HRH2: variants seen among roughly 807,000 people sequenced by gnomAD.
HRH2 encodes the protein histamine H2 receptor.
In HRH2, 4 loss-of-function variants were observed where a neutral mutation model predicts 20.1. The observed-to-expected ratio is 0.20, with a 90% CI of 0.10 to 0.45. The LOEUF (loss-of-function observed/expected upper bound fraction) is 0.45. Ranked by LOEUF, HRH2 falls within the 20% of genes least tolerant of loss-of-function variation. HRH2 has a pLI of 0.99. For synonymous variants in HRH2, 197 were observed against 200.7 expected (o/e 0.98, Z 0.16); for missense variants, 250 against 461.6 (o/e 0.54, Z 4.20).
chr5:175,658,427 G>A (rs911499414), intron 1 of HRH2, among the ~76,000 whole-genome samples: 14 of 152,208 alleles, frequency 9.2e-5, no homozygotes, highest in Non-Finnish European at 1.8e-4. Context: ...TTGAGAGCTC[G>A]GGATGCAGCC....
chr5:175,703,985 A>G (rs1756865307), intron 2 of HRH2: 1 of 152,182 alleles, frequency 6.6e-6, no homozygotes, highest in Non-Finnish European at 1.5e-5. Flanking sequence ...ATGCAAATTC[A>G]TGAGAATTCC....
chr5:175,685,583 A>G (rs932848395), intron 2 of HRH2: 1 of 990,340 alleles, frequency 1.0e-6, no homozygotes, highest in Non-Finnish European at 1.6e-6. Context: ...GAAGTTACAG[A>G]AAATCAATGG....
chr5:175,664,109 G>A (rs56693056), intron 1 of HRH2, among the ~76,000 whole-genome samples: 14,276 of 152,210 alleles, frequency 0.094, 1,294 homozygotes, highest in African/African-American at 0.23. Context: ...CTGCAGGAGC[G>A]TGTGGCAGCT....
intron 1 of HRH2, 66 bp downstream of exon 1, chr5:175,658,221 C>T (rs1476637495): frequency 6.6e-6 from 1 of 151,852 alleles, no homozygotes; most frequent in East Asian, 1.9e-4. Context: ...GGCTTGGGGA[C>T]CCGGCGTGGG....
In HRH2 at chr5:175,683,084, C is replaced by T; in HGVS notation, c.-150C>T. ...GTCAGTCATTGAAGCCTTCCCCACC[C>T]CCTGGCCAAAAAAAAAAAAAAAAAA... On this transcript the variant is annotated 5_prime_UTR_variant, in exon 2 of 3. Transcript: ENST00000636584. 1.1e-6 allele frequency: 1 copy of T among 948,202 alleles called. No homozygotes were observed. The highest frequency in any genetic ancestry group is 1.7e-5 in the South Asian group (1 of 59,858). The allele number at this position is 948,202 out of a possible 1,614,324, so 58.7% of individuals were successfully genotyped here.
At chr5:175,692,277 A>C (rs1401200642) in intron 2 of HRH2, among the ~76,000 whole-genome samples, 1 of 152,264 alleles carries the variant, frequency 6.6e-6, no homozygotes, top group Admixed American at 6.5e-5. Context: ...TATGAACACA[A>C]AAATTTGAGC....
intron 2 of HRH2, among the ~76,000 whole-genome samples, chr5:175,706,802 T>G (rs1581473272): frequency 6.6e-6 from 1 of 152,292 alleles, no homozygotes; most frequent in Non-Finnish European, 1.5e-5. Flanking sequence ...CACAAAGCTT[T>G]ACAAAGTCAG....
intron 1 of HRH2, among the ~76,000 whole-genome samples, chr5:175,676,659 G>C (rs1339188224): frequency 6.6e-6 from 1 of 152,224 alleles, no homozygotes; most frequent in Non-Finnish European, 1.5e-5. Context: ...ATTGCATAGT[G>C]GTCAAGGCTT....
chr5:175,689,173 C>G (rs959400058), intron 2 of HRH2, among the ~76,000 whole-genome samples: 2 of 152,198 alleles, frequency 1.3e-5, no homozygotes, highest in Non-Finnish European at 2.9e-5. Flanking sequence ...GATTATACTC[C>G]ACTTCTCCTA....
intron 2 of HRH2, among the ~76,000 whole-genome samples, chr5:175,684,930 G>C (rs747230012): frequency 1.3e-5 from 2 of 152,184 alleles, no homozygotes; most frequent in Non-Finnish European, 2.9e-5. Flanking sequence ...AGAAGCAAGG[G>C]AAAGGGTAAC....
At chr5:175,659,748 G>A (rs916995820) in intron 1 of HRH2, among the ~76,000 whole-genome samples, 5 of 152,178 alleles carry the variant, frequency 3.3e-5, no homozygotes, top group Admixed American at 6.5e-5. Context: ...CACCTGGCAC[G>A]TGCGCGATCA....
chr5:175,672,963 T>C (rs1228272905), intron 1 of HRH2, among the ~76,000 whole-genome samples: 1 of 150,536 alleles, frequency 6.6e-6, no homozygotes, highest in African/African-American at 2.4e-5. Flanking sequence ...AAGAGCAAGG[T>C]TAGGGGGGCC....
intron 1 of HRH2, among the ~76,000 whole-genome samples, chr5:175,658,731 G>A (rs1762646611): frequency 6.6e-6 from 1 of 152,164 alleles, no homozygotes; most frequent in African/African-American, 2.4e-5. Flanking sequence ...GATGACCGGA[G>A]CCACAACAGG....
Position 175,683,580 on chromosome 5 carries a change from G to A in HRH2, c.347G>A (p.Arg116Gln). The A allele has an allele frequency of 1.2e-6, 2 of 1,614,148 alleles. No individual in the cohort carries two copies. Among genetic ancestry groups the A allele is most frequent in the Non-Finnish European group, 1.7e-6 (2 of 1,180,032 alleles). Residue 116 changes from arginine (R) to glutamine (Q), a missense_variant, in exon 2 of 3, where the codon CGG becomes CAG. Physicochemically the swap from Arg to Gln is conservative, Grantham distance 43. Transcript: ENST00000636584. The part of the protein sequence containing the change: ...ILNLFMISLD[R>Q]YCAVMDPLRY... ...AACCTCTTCATGATCAGCCTCGACC[G>A]GTACTGCGCTGTCATGGACCCACTG... is the stretch of plus-strand genomic sequence containing the variant.
At position 175,683,293 on chromosome 5, in the gene HRH2, C is replaced by T; in HGVS notation, c.60C>T (p.Thr20=). Residue 20 remains threonine, a synonymous_variant, in exon 2 of 3, where the codon ACC becomes ACT. Coordinates refer to ENST00000636584, the MANE Select transcript of HRH2 (RefSeq NM_001367711.1). ...FCLDSTACKI[T]ITVVLAVLIL... ...TGGACTCTACCGCATGCAAGATCAC[C>T]ATCACCGTGGTCCTTGCGGTCCTCA... 6.2e-7 allele frequency: 1 copy of T among 1,614,170 alleles called. No homozygotes were observed. The highest frequency in any genetic ancestry group is 8.5e-7 in the Non-Finnish European group (1 of 1,180,038).
intron 2 of HRH2, among the ~76,000 whole-genome samples, chr5:175,695,709 G>A (rs1756552651): frequency 6.6e-6 from 1 of 152,222 alleles, no homozygotes; most frequent in Non-Finnish European, 1.5e-5. Flanking sequence ...ATCAGCAAGA[G>A]GGCCCTAGAA....
chr5:175,698,524 G>C (rs748003398), intron 2 of HRH2, among the ~76,000 whole-genome samples: 1 of 152,196 alleles, frequency 6.6e-6, no homozygotes, highest in East Asian at 1.9e-4. Flanking sequence ...AAAACACCCA[G>C]CTCAGGCCCC....
chr5:175,673,790 GC>G (rs1755657840), intron 1 of HRH2, among the ~76,000 whole-genome samples: 1 of 146,346 alleles, frequency 6.8e-6, no homozygotes, highest in African/African-American at 2.5e-5. Context: ...TGCAACCTCC[GC>G]CCCCCTGGGT....
At chr5:175,690,274 C>T (rs1213873149) in intron 2 of HRH2, among the ~76,000 whole-genome samples, 1 of 152,184 alleles carries the variant, frequency 6.6e-6, no homozygotes, top group Non-Finnish European at 1.5e-5. Context: ...TGGGGGTGCT[C>T]TCCTGGGGTG....
Sources: allele counts gnomAD v4.1 joint callset (sites outside exome capture counted in the v4.1 genomes callset), GRCh38; gene constraint gnomAD v4.1.1; transcripts MANE v1.5; gene names NCBI Gene and HGNC (gene_info 2026-07-23, HGNC 2026-07-21).